Variants in GLIS3 observed in about 807,000 individuals in gnomAD.
GLIS3 encodes GLIS family zinc finger 3.
In GLIS3, 53 loss-of-function variants were observed where a neutral mutation model predicts 78.6. The ratio of observed to expected loss-of-function variants is 0.67; its 90% CI spans 0.54 to 0.85. GLIS3 has a LOEUF of 0.85. Ranked by LOEUF, GLIS3 falls within the 40% of genes least tolerant of loss-of-function variation. The pLI, the probability that GLIS3 is intolerant of heterozygous loss-of-function variation, is 0.00. For synonymous variants in GLIS3, 684 were observed against 509.9 expected (o/e 1.34, Z -4.60); for missense variants, 1,703 against 1,231.1 (o/e 1.38, Z -5.74).
chr9:3,974,790 A>T (rs554006799), intron 4 of GLIS3, among the ~76,000 whole-genome samples: 1 of 152,298 alleles, frequency 6.6e-6, no homozygotes, highest in African/African-American at 2.4e-5. Flanking sequence ...AAATGAACTC[A>T]GTTGTAAAAG....
rs530385361 is a variant in GLIS3 at position 4,156,754 on chromosome 9, G to C, written c.389-30813C>G. Among the ~76,000 whole-genome samples the C allele has an allele frequency of 1.5e-4, 23 of 152,184 alleles. No homozygotes were observed. The East Asian group carries it at 3.1e-3, about 20-fold the overall frequency. On this transcript the variant is annotated intron_variant, in intron 2 of 10. Transcript: ENST00000381971. ...GTTTCATGCCCTTATCTGATGAGGA[G>C]GACCCTGGATATGCTGAAGAACAGA... is the stretch of plus-strand genomic sequence containing the variant.
upstream of GLIS3, among the ~76,000 whole-genome samples, chr9:4,348,985 A>G (rs773341830): frequency 6.6e-6 from 1 of 152,224 alleles, no homozygotes; most frequent in Admixed American, 6.5e-5. Flanking sequence ...AACATCCAGT[A>G]AACATTATTT....
chr9:4,334,203 G>A (rs923449220), intron 2 of GLIS3, among the ~76,000 whole-genome samples: 20 of 152,200 alleles, frequency 1.3e-4, no homozygotes, highest in African/African-American at 4.8e-4. Flanking sequence ...GAGTAAAGGG[G>A]ACAGTGAAAG....
intron 4 of GLIS3, among the ~76,000 whole-genome samples, chr9:3,993,827 C>CA (rs1185805592): frequency 6.6e-6 from 1 of 152,182 alleles, no homozygotes; most frequent in African/African-American, 2.4e-5. Context: ...GCTGGTGTCA[C>CA]AAAAATTGTC....
rs1208566832 is a variant in GLIS3 at position 4,150,960 on chromosome 9, T to C, written c.389-25019A>G. On this transcript the variant is annotated intron_variant, in intron 2 of 10. Coordinates refer to ENST00000381971, the MANE Select transcript of GLIS3 (RefSeq NM_001042413.2). ...AATACCTCTGAGGCAGTTAAAAATG[T>C]CTTTTGCCTTCAAAATAGAGTGAAG... The C allele has an allele frequency of 4.6e-5, 7 of 152,210 alleles. No homozygotes were observed. The East Asian group carries it at 1.3e-3, about 29-fold the overall frequency. 9.4% of individuals were successfully genotyped at this position (152,210 alleles called of 1,614,324 possible). A position where few individuals can be genotyped will look rare whatever the true frequency, so the allele number is the denominator to read the frequency against.
At chr9:3,983,391 C>T (rs750641535) in intron 4 of GLIS3, among the ~76,000 whole-genome samples, 1 of 152,096 alleles carries the variant, frequency 6.6e-6, no homozygotes, top group Non-Finnish European at 1.5e-5. Context: ...CAGGCTCATA[C>T]AGTAAATTGG....
intron 2 of GLIS3, among the ~76,000 whole-genome samples, chr9:4,198,059 G>C (rs1231632815): frequency 1.3e-5 from 2 of 152,178 alleles, no homozygotes; most frequent in African/African-American, 4.8e-5. Context: ...TTCCAGATGA[G>C]AAGGAACCAG....
the GLIS3 span, among the ~76,000 whole-genome samples, chr9:4,363,462 G>A: frequency 6.6e-6 from 1 of 152,014 alleles, no homozygotes; most frequent in Non-Finnish European, 1.5e-5. Flanking sequence ...CCAAAAATCT[G>A]GGAATCATTA....
intron 2 of GLIS3, among the ~76,000 whole-genome samples, chr9:4,341,275 C>G (rs184633354): frequency 7.9e-5 from 12 of 152,350 alleles, no homozygotes; most frequent in South Asian, 4.1e-4. Context: ...GAGCTTAAAG[C>G]TCTCCTGGCT....
intron 2 of GLIS3, among the ~76,000 whole-genome samples, chr9:4,139,178 T>C (rs1833621848): frequency 6.6e-6 from 1 of 152,222 alleles, no homozygotes; most frequent in African/African-American, 2.4e-5. Flanking sequence ...CAAGGTTGTA[T>C]ATCTCTCAAC....
At chr9:4,344,363 TG>T in intron 2 of GLIS3, among the ~76,000 whole-genome samples, 1 of 152,362 alleles carries the variant, frequency 6.6e-6, no homozygotes, top group Admixed American at 6.5e-5. Context: ...ATTTGGCATT[TG>T]GCAATTCATC....
chr9:4,430,581 A>C, the GLIS3 span, among the ~76,000 whole-genome samples: 1 of 152,230 alleles, frequency 6.6e-6, no homozygotes, highest in Non-Finnish European at 1.5e-5. Context: ...TTAATTTATA[A>C]CTGGCTTTAT....
the GLIS3 span, among the ~76,000 whole-genome samples, chr9:4,429,503 T>G: frequency 6.6e-6 from 1 of 152,188 alleles, no homozygotes; most frequent in Non-Finnish European, 1.5e-5. Flanking sequence ...TTAGCAATGC[T>G]CTCCACAAGA....
intron 4 of GLIS3, among the ~76,000 whole-genome samples, chr9:4,069,092 A>C (rs970038768): frequency 7.2e-5 from 11 of 152,228 alleles, no homozygotes; most frequent in Non-Finnish European, 1.5e-4. Context: ...TAAAACTCAC[A>C]GTTTTATGAA....
At chr9:4,413,561 T>C in the GLIS3 span, among the ~76,000 whole-genome samples, 4 of 152,126 alleles carry the variant, frequency 2.6e-5, no homozygotes, top group Non-Finnish European at 5.9e-5. Flanking sequence ...ATATCCTGCT[T>C]GTGGGTAATC....
intron 4 of GLIS3, among the ~76,000 whole-genome samples, chr9:4,019,086 C>G (rs1822662609): frequency 6.6e-6 from 1 of 152,104 alleles, no homozygotes; most frequent in Non-Finnish European, 1.5e-5. Context: ...TTGATGAACA[C>G]TAGTTCAATC....
At chr9:3,896,705 C>T (rs895990486) in intron 7 of GLIS3, among the ~76,000 whole-genome samples, 1 of 99,672 alleles carries the variant, frequency 1.0e-5, no homozygotes, top group African/African-American at 3.8e-5. Flanking sequence ...TAAACTTTCA[C>T]AGTCATAAGG....
intron 2 of GLIS3, among the ~76,000 whole-genome samples, chr9:4,279,324 TACACACACACACACACACACACACACAC>T (rs141790371): frequency 1.2e-5 from 1 of 84,926 alleles, no homozygotes; most frequent in Non-Finnish European, 2.2e-5. Flanking sequence ...AATATATATA[TACACACACACACACACACACACACACAC>T]ACACACACAC....
intron 2 of GLIS3, among the ~76,000 whole-genome samples, chr9:4,189,372 T>C (rs1563725264): frequency 6.6e-6 from 1 of 152,212 alleles, no homozygotes; most frequent in South Asian, 2.1e-4. Context: ...TTTGTTATAA[T>C]TTCTGTTCTT....
Sources: allele counts gnomAD v4.1 joint callset (sites outside exome capture counted in the v4.1 genomes callset), GRCh38; gene constraint gnomAD v4.1.1; transcripts MANE v1.5; gene names NCBI Gene and HGNC (gene_info 2026-07-23, HGNC 2026-07-21).